Variants in PCDH15 observed in about 807,000 individuals in gnomAD.
PCDH15 encodes the protein protocadherin-15.
Under a neutral mutation model 178.5 loss-of-function variants are expected in PCDH15, and 129 were observed. The ratio of observed to expected loss-of-function variants is 0.72; its 90% CI spans 0.63 to 0.84. The LOEUF (loss-of-function observed/expected upper bound fraction) is 0.84. PCDH15 is among the 40% of genes least tolerant of loss of function. The pLI is 0.00. For synonymous variants in PCDH15, 800 were observed against 732.0 expected, an observed-to-expected ratio of 1.09 and a Z score of -1.50; for missense variants, 2,230 against 2,099.9, an observed-to-expected ratio of 1.06 and a Z score of -1.21.
intron 5 of PCDH15, among the ~76,000 whole-genome samples, chr10:54,366,816 G>T (rs1946888857): frequency 6.6e-6 from 1 of 151,408 alleles, no homozygotes; most frequent in Non-Finnish European, 1.5e-5. Context: ...AACCATAGAA[G>T]ATATGACCAT....
At chr10:55,036,112 A>G (rs1294123674) in intron 2 of PCDH15, among the ~76,000 whole-genome samples, 1 of 152,158 alleles carries the variant, frequency 6.6e-6, no homozygotes, top group Admixed American at 6.6e-5. Flanking sequence ...TAATGGATTA[A>G]TGCCCATTAT....
At chr10:55,169,245 T>C (rs1413646233) in intron 1 of PCDH15, among the ~76,000 whole-genome samples, 1 of 152,200 alleles carries the variant, frequency 6.6e-6, no homozygotes, top group Non-Finnish European at 1.5e-5. Flanking sequence ...CCTAAACTAG[T>C]ATTAAAATGT....
chr10:53,966,991 C>T (rs753457656), intron 21 of PCDH15, among the ~76,000 whole-genome samples: 9 of 152,078 alleles, frequency 5.9e-5, no homozygotes, highest in Non-Finnish European at 1.2e-4. Context: ...GCAGCTCACA[C>T]AATCTTTCTG....
At chr10:54,636,445 C>A (rs1264787796) in intron 2 of PCDH15, among the ~76,000 whole-genome samples, 1 of 151,726 alleles carries the variant, frequency 6.6e-6, no homozygotes, top group South Asian at 2.1e-4. Context: ...CTCTTTTCTG[C>A]ATACTGTAAA....
intron 2 of PCDH15, among the ~76,000 whole-genome samples, chr10:55,324,972 T>C (rs915625818): frequency 4.6e-5 from 7 of 152,002 alleles, no homozygotes; most frequent in South Asian, 2.1e-4. Flanking sequence ...CCATTCACAA[T>C]TGCCACAAGA....
chr10:54,595,417 G>T (rs1287792121), intron 2 of PCDH15, among the ~76,000 whole-genome samples: 3 of 151,892 alleles, frequency 2.0e-5, no homozygotes, highest in African/African-American at 7.3e-5. Context: ...AACCCTCAAG[G>T]TCATAAAATA....
chr10:55,095,233 C>T (rs1428091108), intron 2 of PCDH15, among the ~76,000 whole-genome samples: 1 of 151,952 alleles, frequency 6.6e-6, no homozygotes, highest in African/African-American at 2.4e-5. Flanking sequence ...TGAGCTACCA[C>T]ATCTGGCCAC....
chr10:55,436,125 G>C (rs1839033782), intron 2 of PCDH15, among the ~76,000 whole-genome samples: 1 of 152,026 alleles, frequency 6.6e-6, no homozygotes, highest in Admixed American at 6.6e-5. Context: ...ATTAATTAAA[G>C]TGATTAACAT....
intron 16 of PCDH15, among the ~76,000 whole-genome samples, chr10:54,083,456 G>T (rs12250704): frequency 0.026 from 3,994 of 152,212 alleles, 180 homozygotes; most frequent in African/African-American, 0.088. Flanking sequence ...TGAAAAGTAG[G>T]GACCTACTTG....
intron 25 of PCDH15, among the ~76,000 whole-genome samples, chr10:53,933,329 C>T (rs929999527): frequency 7.2e-5 from 11 of 151,830 alleles, no homozygotes; most frequent in Non-Finnish European, 1.5e-4. Context: ...CCCCCCTTCC[C>T]CCACCCCACA....
chr10:54,149,724 T>C (rs2044328831), intron 14 of PCDH15, among the ~76,000 whole-genome samples: 1 of 152,130 alleles, frequency 6.6e-6, no homozygotes, highest in Non-Finnish European at 1.5e-5. Flanking sequence ...ATGTTTTCCA[T>C]GTTACCAGGA....
At chr10:54,544,566 C>T (rs564069509) in intron 2 of PCDH15, among the ~76,000 whole-genome samples, 171 of 152,218 alleles carry the variant, frequency 1.1e-3, no homozygotes, top group African/African-American at 3.9e-3. Flanking sequence ...AAGGGTGGTA[C>T]TCCATATTTA....
intron 18 of PCDH15, among the ~76,000 whole-genome samples, chr10:54,053,069 C>T (rs2093812582): frequency 1.3e-5 from 2 of 152,140 alleles, no homozygotes; most frequent in South Asian, 4.1e-4. Context: ...ATAAATTCCC[C>T]AGTCTAAGGT....
At chr10:53,807,206 C>A in intron 37 of PCDH15, 76 bp from the exon 38 acceptor site, 1 of 1,201,936 alleles carries the variant, frequency 8.3e-7, no homozygotes, top group East Asian at 2.5e-5. Context: ...CCTGTGAAAT[C>A]CAAAACAATG....
chr10:53,889,719 A>G (rs2133460657), intron 26 of PCDH15, among the ~76,000 whole-genome samples: 1 of 152,272 alleles, frequency 6.6e-6, no homozygotes, highest in South Asian at 2.1e-4. Context: ...AATATTAAGA[A>G]ACCCCAAACA....
intron 2 of PCDH15, among the ~76,000 whole-genome samples, chr10:55,058,410 G>A (rs188931708): frequency 1.1e-3 from 172 of 151,984 alleles, no homozygotes; most frequent in Non-Finnish European, 1.9e-3. Flanking sequence ...GGATTTTGCC[G>A]TCTTGCTCAG....
At chr10:54,502,139 C>T (rs1418328071) in intron 3 of PCDH15, among the ~76,000 whole-genome samples, 1 of 152,052 alleles carries the variant, frequency 6.6e-6, no homozygotes, top group Admixed American at 6.6e-5. Flanking sequence ...TAAATTCAAA[C>T]ATTTGGTCAA....
At chr10:55,348,612 A>T (rs567626770) in intron 2 of PCDH15, among the ~76,000 whole-genome samples, 123 of 152,320 alleles carry the variant, frequency 8.1e-4, no homozygotes, top group African/African-American at 2.7e-3. Context: ...GTATTAGTTA[A>T]GCTTGTCTGT....
At chr10:54,265,678 G>A (rs1025627400) in intron 8 of PCDH15, among the ~76,000 whole-genome samples, 2 of 151,974 alleles carry the variant, frequency 1.3e-5, no homozygotes, top group Non-Finnish European at 2.9e-5. Context: ...GACAAAAAAT[G>A]TTATTGCTTA....
Sources: gnomAD v4.1 joint callset for allele counts (sites outside exome capture counted in the v4.1 genomes callset) on GRCh38, gnomAD v4.1.1 for gene constraint, MANE v1.5 for transcripts, NCBI Gene and HGNC (gene_info 2026-07-23, HGNC 2026-07-21) for gene names.